ADAR: variants seen among roughly 807,000 people sequenced by gnomAD.
ADAR encodes the protein adenosine deaminase RNA specific, also known as double-stranded RNA-specific adenosine deaminase.
Under a neutral mutation model 113.2 loss-of-function variants are expected in ADAR, and 41 were observed. That is an observed-to-expected ratio of 0.36 (90% CI 0.28 to 0.47). The LOEUF is 0.47. ADAR is among the 20% of genes least tolerant of loss of function. ADAR has a pLI of 1.00. For synonymous variants in ADAR, 605 were observed against 572.6 expected, an observed-to-expected ratio of 1.06 and a Z score of -0.81; for missense variants, 1,242 against 1,540.9, an observed-to-expected ratio of 0.81 and a Z score of 3.25.
At chr1:154,602,700 G>T in intron 1 of ADAR, 74 bp from the exon 2 acceptor site, 1 of 1,570,864 alleles carries the variant, frequency 6.4e-7, no homozygotes, top group Non-Finnish European at 8.7e-7. Context: ...CCCTCCCTTT[G>T]CTGCCTGTGG....
At chr1:154,614,028 G>T (rs1036740054) in intron 1 of ADAR, among the ~76,000 whole-genome samples, 2 of 151,832 alleles carry the variant, frequency 1.3e-5, no homozygotes, top group Non-Finnish European at 2.9e-5. Flanking sequence ...AAAAAAAGTG[G>T]TATTTATCAA....
At chr1:154,593,011 T>C (rs988915076) in intron 6 of ADAR, among the ~76,000 whole-genome samples, 1 of 151,404 alleles carries the variant, frequency 6.6e-6, no homozygotes, top group African/African-American at 2.4e-5. Context: ...GGCAGATGCC[T>C]GTAATCCCAG....
At chr1:154,600,936 A>C in intron 2 of ADAR, 105 bp downstream of exon 2, 1 of 1,492,188 alleles carries the variant, frequency 6.7e-7, no homozygotes, top group Non-Finnish European at 9.3e-7. Flanking sequence ...AAGGAGGAAA[A>C]GATAGGCGCC....
chr1:154,607,632 G>GC (rs1177668115), intron 1 of ADAR, among the ~76,000 whole-genome samples: 2 of 152,066 alleles, frequency 1.3e-5, no homozygotes, highest in Non-Finnish European at 2.9e-5. Flanking sequence ...TTTCCCCCAA[G>GC]CCCTCTTCAC....
At chr1:154,597,353 C>T in intron 4 of ADAR, 86 bp from the exon 5 acceptor site, 2 of 1,512,938 alleles carry the variant, frequency 1.3e-6, no homozygotes, top group Non-Finnish European at 9.1e-7. Context: ...CCATCCTCCA[C>T]TACTGGTAAT....
chr1:154,585,105 A>G lies in ADAR; in HGVS notation c.3444-62T>C. ...CTGTAAGATAAGGAGCTCACAGTGGAGACACCGTGGGAGGGGAGGCGGCTC... is the reference window on the plus strand; with the variant it reads ...CTGTAAGATAAGGAGCTCACAGTGGGGACACCGTGGGAGGGGAGGCGGCTC... On this transcript the variant is annotated intron_variant, in intron 14 of 14. Coordinates refer to ENST00000368474, the MANE Select transcript of ADAR (RefSeq NM_001111.5). The G allele has an allele frequency of 5.6e-6, 9 of 1,608,762 alleles. 1 individual carries two copies. In the South Asian group the frequency reaches 9.9e-5, roughly 18 times the overall value.
At chr1:154,603,274 C>T (rs536500653) in intron 1 of ADAR, among the ~76,000 whole-genome samples, 3 of 152,318 alleles carry the variant, frequency 2.0e-5, no homozygotes, top group South Asian at 2.1e-4. Flanking sequence ...GAAAAGGCCA[C>T]GGGACCTCAG....
chr1:154,620,135 G>A (rs1698749092), intron 1 of ADAR, among the ~76,000 whole-genome samples: 1 of 152,208 alleles, frequency 6.6e-6, no homozygotes, highest in Non-Finnish European at 1.5e-5. Context: ...CGGGCCAGGC[G>A]CGGTGGCTCA....
At chr1:154,627,211 C>G (rs1442030475) in intron 1 of ADAR, among the ~76,000 whole-genome samples, 1 of 152,208 alleles carries the variant, frequency 6.6e-6, no homozygotes, top group East Asian at 1.9e-4. Context: ...TCTAGTGGGG[C>G]CCCCAAATCA....
chr1:154,621,845 C>T (rs902106511), intron 1 of ADAR, among the ~76,000 whole-genome samples: 17 of 152,138 alleles, frequency 1.1e-4, no homozygotes, highest in Non-Finnish European at 2.4e-4. Flanking sequence ...CTGAAACTGC[C>T]GCTTGGATGT....
At chr1:154,619,928 G>A (rs1255074966) in intron 1 of ADAR, among the ~76,000 whole-genome samples, 1 of 152,096 alleles carries the variant, frequency 6.6e-6, no homozygotes, top group Non-Finnish European at 1.5e-5. Flanking sequence ...ATACTCCTGG[G>A]TACTTACCCA....
Position 154,617,785 on chromosome 1 carries a change from T to C in ADAR, c.-871+10070A>G, listed in dbSNP as rs1006341132. Among the ~76,000 whole-genome samples, 6 of 152,256 alleles carry C rather than the reference T, an allele frequency of 3.9e-5. No homozygotes were observed. In the East Asian group the frequency reaches 9.6e-4, roughly 24 times the overall value. On this transcript the variant is annotated intron_variant, in intron 1 of 14. Coordinates refer to the ADAR transcript ENST00000368471. ...ATGCTCAGTGGTCTTAAAACAAATATGGTATTTAACACATGTTAAATATAT... is the reference window on the plus strand; with the variant it reads ...ATGCTCAGTGGTCTTAAAACAAATACGGTATTTAACACATGTTAAATATAT...
In ADAR at chr1:154,584,126, G is replaced by C. The variant is rs966945206; in HGVS notation, c.*680C>G. ...GAGAAAGTGATACACTTCCAGGGAA[G>C]CAGCTTTCCTTGCCTTGCCCGCCCT... On this transcript the variant is annotated 3_prime_UTR_variant, in exon 15 of 15. Coordinates refer to ENST00000368474, the MANE Select transcript of ADAR (RefSeq NM_001111.5). 1 of 152,426 alleles carries C rather than the reference G, an allele frequency of 6.6e-6. No individual in the cohort carries two copies. The highest frequency in any genetic ancestry group is 1.5e-5 in the Non-Finnish European group (1 of 68,190). 9.4% of individuals were successfully genotyped at this position (152,426 alleles called of 1,614,324 possible). A position where few individuals can be genotyped will look rare whatever the true frequency, so the allele number is the denominator to read the frequency against.
rs774214510 is a variant in ADAR, at chr1:154,584,486, AT to A, written c.*319del. 8 of 332,816 alleles carry A rather than the reference AT, an allele frequency of 2.4e-5. No homozygotes were observed. The highest frequency in any genetic ancestry group is 4.4e-5 in the Non-Finnish European group (8 of 180,220). The allele number at this position is 332,816 out of a possible 1,614,324, so 20.6% of individuals were successfully genotyped here. On this transcript the variant is annotated 3_prime_UTR_variant, in exon 15 of 15. Coordinates refer to ENST00000368474, the MANE Select transcript of ADAR (RefSeq NM_001111.5). ...ACAAAGGGAAAGGAAATGGAAACAA[AT>A]CAAAACAAAACTTTTAAGAGGAAAT...
chr1:154,587,938 C>T (rs1696873306), intron 11 of ADAR, among the ~76,000 whole-genome samples, 187 bp downstream of exon 11: 1 of 152,222 alleles, frequency 6.6e-6, no homozygotes, highest in African/African-American at 2.4e-5. Context: ...ATCTCCCAAA[C>T]TAACACATTC....
chr1:154,621,127 A>G (rs1178021560), intron 1 of ADAR, among the ~76,000 whole-genome samples: 2 of 152,244 alleles, frequency 1.3e-5, no homozygotes, highest in Non-Finnish European at 2.9e-5. Context: ...AAAAAGAAAA[A>G]ATATAAGTAC....
chr1:154,590,136 G>GGTGGT, intron 7 of ADAR, 48 bp downstream of exon 7: 1 of 1,445,370 alleles, frequency 6.9e-7, no homozygotes, highest in Non-Finnish European at 9.6e-7. Context: ...TTAGGAGTTA[G>GGTGGT]GAGGACCCCC....
rs146811257 is a variant in ADAR at position 154,588,208 on chromosome 1, C to T, written c.2936G>A (p.Arg979His). Residue 979 changes from arginine (R) to histidine (H), a missense_variant, in exon 11 of 15, where the codon CGT becomes CAT. Arg to His is a conservative substitution (Grantham distance 29). Around this residue, in one of 2 missense-constraint regions of ADAR, gnomAD observed 780 missense variants for 1,057.9 expected, o/e 0.74. Coordinates refer to ENST00000368474, the MANE Select transcript of ADAR (RefSeq NM_001111.5). The stretch of plus-strand genomic sequence containing the variant: ...GCGGGATTCTGTGCTTTCCATAGCA[C>T]GGTCGCTGCAGGACTTGTCAAAGAG... The part of the protein sequence containing the change: ...GALFDKSCSD[R>H]AMESTESRHY... 20 of 1,613,968 alleles carry T rather than the reference C, an allele frequency of 1.2e-5. No individual in the cohort carries two copies. Among genetic ancestry groups the T allele is most frequent in the South Asian group, 7.7e-5 (7 of 91,070 alleles).
intron 1 of ADAR, among the ~76,000 whole-genome samples, chr1:154,606,746 A>G (rs1698211890): frequency 1.3e-5 from 2 of 152,168 alleles, no homozygotes; most frequent in Admixed American, 6.5e-5. Flanking sequence ...TGCAAATTAC[A>G]TAACAACTCA....
Sources: gnomAD v4.1 joint callset for allele counts (sites outside exome capture counted in the v4.1 genomes callset) on GRCh38, gnomAD v4.1.1 for gene constraint, gnomAD v4.1.1 regional missense constraint, MANE v1.5 for transcripts, NCBI Gene and HGNC (gene_info 2026-07-23, HGNC 2026-07-21) for gene names.